Variants in ADARB2 observed in about 807,000 individuals in gnomAD.
ADARB2 encodes the protein adenosine deaminase RNA specific B2 (inactive).
Under a neutral mutation model 62.2 loss-of-function variants are expected in ADARB2, and 25 were observed. That is an observed-to-expected ratio of 0.40 (90% CI 0.29 to 0.56). The LOEUF (loss-of-function observed/expected upper bound fraction) is 0.56. Ranked by LOEUF, ADARB2 falls within the 20% of genes least tolerant of loss-of-function variation. The probability of loss-of-function intolerance (pLI) is 0.43; values close to 1 mark genes in which losing one functional copy is unlikely to be tolerated. For missense variants in ADARB2, 1,071 were observed against 1,077.4 expected (o/e 0.99, Z 0.08); for synonymous variants, 572 against 500.8 (o/e 1.14, Z -1.90).
chr10:1,250,023 A>G (rs866465520), intron 4 of ADARB2, among the ~76,000 whole-genome samples: 1 of 150,638 alleles, frequency 6.6e-6, no homozygotes, highest in Non-Finnish European at 1.5e-5. Context: ...ACCAAGGACT[A>G]TAGTGAATAA....
At chr10:1,510,040 T>C (rs1013593928) in intron 1 of ADARB2, among the ~76,000 whole-genome samples, 3 of 150,720 alleles carry the variant, frequency 2.0e-5, no homozygotes, top group African/African-American at 7.3e-5. Context: ...TTTCTTTCTT[T>C]TCTCTCTCTT....
At chr10:1,240,910 G>A (rs76010153) in intron 5 of ADARB2, among the ~76,000 whole-genome samples, 44 of 152,312 alleles carry the variant, frequency 2.9e-4, no homozygotes, top group South Asian at 6.2e-4. Flanking sequence ...GCTGCACCCC[G>A]CAGGCCTCAG....
intron 1 of ADARB2, among the ~76,000 whole-genome samples, chr10:1,396,256 G>A (rs540008199): frequency 6.6e-6 from 1 of 152,090 alleles, no homozygotes; most frequent in African/African-American, 2.4e-5. Flanking sequence ...ACTCTCTCCA[G>A]CCTTGAGAGT....
chr10:1,610,514 G>A (rs1424305881), intron 1 of ADARB2, among the ~76,000 whole-genome samples: 1 of 152,230 alleles, frequency 6.6e-6, no homozygotes, highest in African/African-American at 2.4e-5. Flanking sequence ...ACTGGGGCCT[G>A]TAAACCTGAG....
intron 3 of ADARB2, among the ~76,000 whole-genome samples, chr10:1,343,313 G>A (rs1449550453): frequency 6.6e-6 from 1 of 152,120 alleles, no homozygotes; most frequent in Admixed American, 6.5e-5. Flanking sequence ...ACCACAATGA[G>A]ATACCATCTC....
rs1836657881 is a variant in ADARB2, at chr10:1,180,525, G to A, written c.*2668C>T. On this transcript the variant is annotated 3_prime_UTR_variant, in exon 10 of 10. Coordinates refer to ENST00000381312, the MANE Select transcript of ADARB2 (RefSeq NM_018702.4). ...GACCTGGCCCTTCCTGGCTGGGTCA[G>A]GCCCTGCCAGTTGGGAGCAGCCTGC... The A allele has an allele frequency of 6.5e-6, 1 of 152,706 alleles. No homozygotes were observed. 9.5% of individuals were successfully genotyped at this position (152,706 alleles called of 1,614,324 possible).
chr10:1,719,005 G>A (rs192152501), intron 1 of ADARB2, among the ~76,000 whole-genome samples: 6 of 151,310 alleles, frequency 4.0e-5, no homozygotes, highest in Admixed American at 3.3e-4. Context: ...TTTTTGAGAC[G>A]GCTGGAGTGC....
intron 1 of ADARB2, among the ~76,000 whole-genome samples, chr10:1,612,986 G>T (rs577652783): frequency 2.6e-4 from 40 of 152,332 alleles, no homozygotes; most frequent in African/African-American, 9.6e-4. Context: ...ATAATGGGTT[G>T]TGAACAAGTT....
chr10:1,351,427 C>G (rs954471708), intron 3 of ADARB2, among the ~76,000 whole-genome samples: 1 of 151,760 alleles, frequency 6.6e-6, no homozygotes, highest in African/African-American at 2.4e-5. Context: ...TTAAAACTCC[C>G]CAACTCTGGT....
intron 1 of ADARB2, among the ~76,000 whole-genome samples, chr10:1,604,041 G>T (rs1265117429): frequency 6.6e-6 from 1 of 152,124 alleles, no homozygotes; most frequent in African/African-American, 2.4e-5. Context: ...CTGACCTCAA[G>T]TGATCCACCC....
At chr10:1,301,198 T>C (rs1831569516) in intron 3 of ADARB2, among the ~76,000 whole-genome samples, 1 of 152,234 alleles carries the variant, frequency 6.6e-6, no homozygotes, top group South Asian at 2.1e-4. Context: ...TCCACACGGT[T>C]ATGGACTCTG....
chr10:1,581,953 T>C (rs1426046666), intron 1 of ADARB2, among the ~76,000 whole-genome samples: 1 of 151,798 alleles, frequency 6.6e-6, no homozygotes, highest in Non-Finnish European at 1.5e-5. Context: ...CAGGAAACCA[T>C]CTCCTCCCCC....
chr10:1,525,853 G>A (rs971163040), intron 1 of ADARB2, among the ~76,000 whole-genome samples: 1 of 152,004 alleles, frequency 6.6e-6, no homozygotes, highest in Non-Finnish European at 1.5e-5. Context: ...GCTTGTGTGT[G>A]TGCGCGTGTC....
intron 1 of ADARB2, among the ~76,000 whole-genome samples, chr10:1,585,138 T>C (rs2813390): frequency 0.044 from 6,748 of 152,138 alleles, 504 homozygotes; most frequent in African/African-American, 0.15. Flanking sequence ...TGATTGTCAA[T>C]GTAGGTTCAT....
chr10:1,664,128 G>A (rs944986601), intron 1 of ADARB2, among the ~76,000 whole-genome samples: 1 of 151,858 alleles, frequency 6.6e-6, no homozygotes, highest in African/African-American at 2.4e-5. Context: ...GCGTTTCCAT[G>A]CCTGTTGGTC....
intron 1 of ADARB2, among the ~76,000 whole-genome samples, chr10:1,609,039 G>A (rs1375102599): frequency 6.6e-6 from 1 of 152,162 alleles, no homozygotes; most frequent in East Asian, 1.9e-4. Context: ...AGAAGGACCC[G>A]AAACGCCCAC....
At chr10:1,655,148 C>G (rs1588340527) in intron 1 of ADARB2, among the ~76,000 whole-genome samples, 2 of 152,198 alleles carry the variant, frequency 1.3e-5, no homozygotes, top group South Asian at 4.1e-4. Flanking sequence ...TGAGGTTTCT[C>G]TGTAGGGTGT....
At chr10:1,670,919 A>G (rs1834376413) in intron 1 of ADARB2, among the ~76,000 whole-genome samples, 1 of 152,204 alleles carries the variant, frequency 6.6e-6, no homozygotes, top group Admixed American at 6.5e-5. Flanking sequence ...ACGGGGGCAG[A>G]ACGTCAGCGC....
chr10:1,737,245 T>C lies in ADARB2; in HGVS notation c.-95A>G. The C allele has an allele frequency of 2.2e-6, 3 of 1,346,824 alleles. No homozygotes were observed. The highest frequency in any genetic ancestry group is 3.1e-6 in the Non-Finnish European group (3 of 957,416). 83.4% of individuals were successfully genotyped at this position (1,346,824 alleles called of 1,614,324 possible). On this transcript the variant is annotated 5_prime_UTR_variant, in exon 1 of 10. Transcript: ENST00000381312. Reference sequence around the variant, plus strand: ...CCGCCGCCGCCGCTGCTGCGAAGCTTGAGGTTGCAAACCCGGGAGCGGCTC... The same window carrying C: ...CCGCCGCCGCCGCTGCTGCGAAGCTCGAGGTTGCAAACCCGGGAGCGGCTC...
Sources: gnomAD v4.1 joint callset for allele counts (sites outside exome capture counted in the v4.1 genomes callset) on GRCh38, gnomAD v4.1.1 for gene constraint, MANE v1.5 for transcripts, NCBI Gene and HGNC (gene_info 2026-07-23, HGNC 2026-07-21) for gene names.